The following RALGPS2 variants were observed in gnomAD, a reference collection of about 807,000 sequenced individuals.
RALGPS2 encodes the protein ras-specific guanine nucleotide-releasing factor RalGPS2.
Under a neutral mutation model 86.8 loss-of-function variants are expected in RALGPS2, and 43 were observed. That is an observed-to-expected ratio of 0.50 (90% CI 0.39 to 0.64). RALGPS2 has a LOEUF of 0.64. Ranked by LOEUF, RALGPS2 falls within the 30% of genes least tolerant of loss-of-function variation. The pLI, the probability that RALGPS2 is intolerant of heterozygous loss-of-function variation, is 0.00. For missense variants in RALGPS2, 536 were observed against 694.6 expected (o/e 0.77, Z 2.57); for synonymous variants, 243 against 231.3 (o/e 1.05, Z -0.46).
intron 8 of RALGPS2, among the ~76,000 whole-genome samples, chr1:178,837,847 A>T (rs1194218735): frequency 6.6e-6 from 1 of 152,216 alleles, no homozygotes; most frequent in African/African-American, 2.4e-5. Context: ...CACTTTTTCC[A>T]GAGGTCTTAG....
intron 6 of RALGPS2, among the ~76,000 whole-genome samples, chr1:178,817,158 G>C (rs1374057531): frequency 6.6e-6 from 1 of 151,388 alleles, no homozygotes; most frequent in East Asian, 2.0e-4. Flanking sequence ...TCAGGAGTTT[G>C]AGACCAGCCT....
intron 11 of RALGPS2, among the ~76,000 whole-genome samples, chr1:178,884,286 C>T (rs77864573): frequency 0.021 from 3,230 of 152,134 alleles, 39 homozygotes; most frequent in Middle Eastern, 0.041. Flanking sequence ...AATCATAGTT[C>T]CTTACTTTAC....
intron 4 of RALGPS2, among the ~76,000 whole-genome samples, chr1:178,807,150 T>C (rs1013083220): frequency 2.0e-5 from 3 of 152,080 alleles, no homozygotes; most frequent in Non-Finnish European, 4.4e-5. Flanking sequence ...CTGGCCAACA[T>C]AGCGAGACCC....
Position 178,909,420 on chromosome 1 carries a change from TGTTGTTGTTC to T in RALGPS2, c.1722+2554_1722+2563del, listed in dbSNP as rs371481391. 3.3e-3 allele frequency among the ~76,000 whole-genome samples: 498 copies of T among 152,220 alleles called. 5 individuals carry two copies. The highest frequency in any genetic ancestry group is 0.011 in the African/African-American group (446 of 41,536). On this transcript the variant is annotated intron_variant, in intron 19 of 19. Coordinates refer to ENST00000367635, the MANE Select transcript of RALGPS2 (RefSeq NM_152663.5). ...TTTGGGCTTTTGTTGTTGTTGTTGT[TGTTGTTGTTC>T]CCATATGAATTTTCTAATGGTTTTT... is the stretch of plus-strand genomic sequence containing the variant.
At chr1:178,859,919 A>G (rs900815819) in intron 8 of RALGPS2, among the ~76,000 whole-genome samples, 3 of 149,428 alleles carry the variant, frequency 2.0e-5, no homozygotes, top group South Asian at 2.1e-4. Flanking sequence ...GGGTTTCGCC[A>G]TGTTAGCCAG....
At chr1:178,782,170 G>GT (rs1653425422) in intron 2 of RALGPS2, among the ~76,000 whole-genome samples, 1 of 152,164 alleles carries the variant, frequency 6.6e-6, no homozygotes, top group African/African-American at 2.4e-5. Context: ...AGAAGTCAGT[G>GT]GAGCCACGTA....
At chr1:178,799,271 C>T (rs1654353048) in intron 4 of RALGPS2, among the ~76,000 whole-genome samples, 1 of 152,056 alleles carries the variant, frequency 6.6e-6, no homozygotes, top group Admixed American at 6.6e-5. Context: ...GAACTCCTGA[C>T]CTCATGATCC....
rs571257083 is a variant in RALGPS2, at chr1:178,790,206, C to T, written c.213+4599C>T. Among the ~76,000 whole-genome samples the T allele has an allele frequency of 7.2e-5, 11 of 152,234 alleles. No individual in the cohort carries two copies. The South Asian group carries it at 1.0e-3, about 14-fold the overall frequency. On this transcript the variant is annotated intron_variant, in intron 4 of 19. Transcript: ENST00000367635. ...GGCTCGAGTGATCCTTCTGCCTTGG[C>T]CTGCCAAAGTGCTGGGTTACAGGTG... is the stretch of plus-strand genomic sequence containing the variant.
intron 4 of RALGPS2, among the ~76,000 whole-genome samples, chr1:178,802,820 A>T (rs1654545323): frequency 6.6e-6 from 1 of 152,182 alleles, no homozygotes; most frequent in Admixed American, 6.5e-5. Flanking sequence ...TGTGTATTTT[A>T]TGGTAGTAAA....
rs556394495 is a variant in RALGPS2 at position 178,920,993 on chromosome 1, T to C, written c.*4634T>C. ...GAAAGTTAAGAGACTAAGCTAGTTTTTTCAGTGAAAGCAAAGTTGGAAATA... is the reference window on the plus strand; with the variant it reads ...GAAAGTTAAGAGACTAAGCTAGTTTCTTCAGTGAAAGCAAAGTTGGAAATA... On this transcript the variant is annotated 3_prime_UTR_variant, in exon 20 of 20. Transcript: ENST00000367635. 1.1e-4 allele frequency: 16 copies of C among 152,226 alleles called. No individual in the cohort carries two copies. The East Asian group carries it at 1.9e-3, about 18-fold the overall frequency. 9.4% of individuals were successfully genotyped at this position (152,226 alleles called of 1,614,324 possible).
chr1:178,913,683 G>A (rs1197182118), intron 19 of RALGPS2, among the ~76,000 whole-genome samples: 2 of 152,136 alleles, frequency 1.3e-5, no homozygotes, highest in South Asian at 4.1e-4. Context: ...TCCCTTCAGG[G>A]TTTGACTGTG....
intron 1 of RALGPS2, among the ~76,000 whole-genome samples, chr1:178,737,393 C>T (rs1572269622): frequency 6.6e-6 from 1 of 152,092 alleles, no homozygotes; most frequent in Admixed American, 6.6e-5. Context: ...TTACAGGCGC[C>T]TGCCACCACG....
chr1:178,852,405 G>A (rs1161169210), intron 8 of RALGPS2, among the ~76,000 whole-genome samples: 1 of 152,150 alleles, frequency 6.6e-6, no homozygotes, highest in Non-Finnish European at 1.5e-5. Flanking sequence ...TATTTGTTAT[G>A]AATTGTAGGC....
intron 17 of RALGPS2, among the ~76,000 whole-genome samples, chr1:178,900,048 T>C (rs1030696118): frequency 6.6e-6 from 1 of 151,962 alleles, no homozygotes; most frequent in Admixed American, 6.6e-5. Flanking sequence ...TTCAATGTTA[T>C]GATGTCTGCA....
intron 16 of RALGPS2, among the ~76,000 whole-genome samples, chr1:178,897,253 G>T (rs945978814): frequency 7.2e-5 from 11 of 151,978 alleles, no homozygotes; most frequent in African/African-American, 2.7e-4. Context: ...TCTCACACCA[G>T]TTAGAATGGC....
At chr1:178,889,729 G>GTT in intron 14 of RALGPS2, 33 bp downstream of exon 14, 9 of 1,502,146 alleles carry the variant, frequency 6.0e-6, no homozygotes, top group Non-Finnish European at 8.3e-6. Context: ...ACTACTTGGA[G>GTT]TTTATTTTGT....
intron 8 of RALGPS2, chr1:178,864,924 T>A: frequency 7.2e-7 from 1 of 1,382,602 alleles, no homozygotes; most frequent in Non-Finnish European, 9.5e-7. Context: ...AACCTCATAC[T>A]CCCACTTTTT....
chr1:178,846,689 A>C (rs1466194276), intron 8 of RALGPS2, among the ~76,000 whole-genome samples: 1 of 152,220 alleles, frequency 6.6e-6, no homozygotes, highest in African/African-American at 2.4e-5. Context: ...CTTTCTAAAA[A>C]AATAAGAACA....
At chr1:178,821,765 C>G in intron 7 of RALGPS2, 61 bp downstream of exon 7, 1 of 1,230,194 alleles carries the variant, frequency 8.1e-7, no homozygotes, top group South Asian at 1.3e-5. Flanking sequence ...AAGATATATT[C>G]ATTTCCTTTG....
Sources: allele counts gnomAD v4.1 joint callset (sites outside exome capture counted in the v4.1 genomes callset), GRCh38; gene constraint gnomAD v4.1.1; transcripts MANE v1.5; gene names NCBI Gene and HGNC (gene_info 2026-07-23, HGNC 2026-07-21).